The following WWOX variants were observed in gnomAD, a reference collection of about 807,000 sequenced individuals.
The protein encoded by WWOX is WW domain containing oxidoreductase.
Under a neutral mutation model 46.2 loss-of-function variants are expected in WWOX, and 69 were observed. The ratio of observed to expected loss-of-function variants is 1.49; its 90% confidence interval spans 1.23 to 1.82. The LOEUF is 1.82. WWOX is among the 40% of genes most tolerant of loss of function. The pLI is 0.00. For missense variants in WWOX, 919 were observed against 542.6 expected, an observed-to-expected ratio of 1.69 and a Z score of -6.89; for synonymous variants, 359 against 202.6, an observed-to-expected ratio of 1.77 and a Z score of -6.56.
chr16:78,818,325 A>T (rs538847340), intron 8 of WWOX, among the ~76,000 whole-genome samples: 2 of 152,044 alleles, frequency 1.3e-5, no homozygotes, highest in African/African-American at 4.8e-5. Context: ...CCACACCATC[A>T]CCCTCTCCAG....
chr16:78,925,994 G>A (rs180895338), intron 8 of WWOX, among the ~76,000 whole-genome samples: 86 of 152,324 alleles, frequency 5.6e-4, no homozygotes, highest in African/African-American at 2.0e-3. Flanking sequence ...GAAGGGATGT[G>A]GGGAGAGCTA....
chr16:78,969,859 G>A (rs757577016), intron 8 of WWOX, among the ~76,000 whole-genome samples: 2 of 152,144 alleles, frequency 1.3e-5, no homozygotes, highest in Non-Finnish European at 2.9e-5. Flanking sequence ...GTGGATGGAG[G>A]CATTTGGGAT....
At chr16:78,190,365 G>A (rs2035846890) in intron 5 of WWOX, among the ~76,000 whole-genome samples, 1 of 152,126 alleles carries the variant, frequency 6.6e-6, no homozygotes, top group Non-Finnish European at 1.5e-5. Flanking sequence ...CCTTGACCCC[G>A]ACCTTGAAAT....
intron 8 of WWOX, among the ~76,000 whole-genome samples, chr16:78,472,891 A>T (rs371105033): frequency 4.0e-5 from 6 of 151,160 alleles, no homozygotes; most frequent in African/African-American, 1.5e-4. Context: ...TCAAGATGGG[A>T]TTACTGCGCC....
chr16:79,014,819 G>C (rs1191271481), intron 8 of WWOX, among the ~76,000 whole-genome samples: 1 of 152,084 alleles, frequency 6.6e-6, no homozygotes, highest in Non-Finnish European at 1.5e-5. Context: ...TCCTACTTTT[G>C]TTCAACTTAT....
At chr16:78,621,875 G>A (rs1392025731) in intron 8 of WWOX, among the ~76,000 whole-genome samples, 3 of 151,882 alleles carry the variant, frequency 2.0e-5, no homozygotes. Flanking sequence ...AAAGTGCTGG[G>A]ATTACAGGCG....
chr16:79,079,514 C>A (rs762644624), intron 8 of WWOX, among the ~76,000 whole-genome samples: 1 of 152,172 alleles, frequency 6.6e-6, no homozygotes, highest in African/African-American at 2.4e-5. Flanking sequence ...CTGTTACATT[C>A]TTGAACCATA....
intron 8 of WWOX, among the ~76,000 whole-genome samples, chr16:78,567,908 G>C (rs1238603433): frequency 6.6e-6 from 1 of 152,118 alleles, no homozygotes; most frequent in Non-Finnish European, 1.5e-5. Context: ...GCACCCTGCT[G>C]CCCTTGTTTT....
At chr16:78,414,036 ATTTG>A (rs994339733) in intron 6 of WWOX, among the ~76,000 whole-genome samples, 7 of 151,792 alleles carry the variant, frequency 4.6e-5, no homozygotes, top group African/African-American at 1.7e-4. Context: ...CATCAGTGTG[ATTTG>A]TTCCTGCCCC....
At chr16:78,230,377 C>T (rs2037217851) in intron 5 of WWOX, among the ~76,000 whole-genome samples, 1 of 152,292 alleles carries the variant, frequency 6.6e-6, no homozygotes, top group Admixed American at 6.5e-5. Context: ...GGACAGGTAA[C>T]ATGATGTACA....
chr16:78,606,866 A>G (rs1292476335), intron 8 of WWOX, among the ~76,000 whole-genome samples: 1 of 152,026 alleles, frequency 6.6e-6, no homozygotes, highest in Non-Finnish European at 1.5e-5. Flanking sequence ...GTACCTGAAC[A>G]CTTGAGTGGG....
At chr16:79,037,996 C>A (rs192520216) in intron 8 of WWOX, among the ~76,000 whole-genome samples, 41 of 152,252 alleles carry the variant, frequency 2.7e-4, no homozygotes, top group African/African-American at 9.6e-4. Context: ...CTCGTTAACA[C>A]ATGATGGCAA....
chr16:79,075,029 C>T (rs919197846), intron 8 of WWOX, among the ~76,000 whole-genome samples: 1 of 152,162 alleles, frequency 6.6e-6, no homozygotes, highest in Non-Finnish European at 1.5e-5. Context: ...CCAAAGACCC[C>T]AGAGAAACTC....
intron 8 of WWOX, among the ~76,000 whole-genome samples, chr16:79,167,788 A>G (rs1011500721): frequency 4.6e-5 from 7 of 152,234 alleles, no homozygotes; most frequent in Non-Finnish European, 8.8e-5. Flanking sequence ...TTTAAAGTGT[A>G]CACTTCAGTG....
intron 8 of WWOX, among the ~76,000 whole-genome samples, chr16:78,575,811 AC>A (rs1453574694): frequency 6.6e-6 from 1 of 152,188 alleles, no homozygotes; most frequent in Non-Finnish European, 1.5e-5. Context: ...GCCTGTCTAT[AC>A]TTTCAGATGG....
At chr16:78,806,363 C>G (rs776581323) in intron 8 of WWOX, among the ~76,000 whole-genome samples, 2 of 152,094 alleles carry the variant, frequency 1.3e-5, no homozygotes, top group African/African-American at 2.4e-5. Flanking sequence ...ACAAACCACC[C>G]CCAAATTTAG....
chr16:78,977,055 C>G (rs192159004), intron 8 of WWOX, among the ~76,000 whole-genome samples: 2 of 152,314 alleles, frequency 1.3e-5, no homozygotes, highest in East Asian at 3.9e-4. Context: ...AACTGAGGCT[C>G]ACGCACACGT....
chr16:78,702,120 A>ATATTTATT (rs1555519622), intron 8 of WWOX, among the ~76,000 whole-genome samples: 2 of 130,040 alleles, frequency 1.5e-5, no homozygotes, highest in African/African-American at 6.6e-5. Context: ...ATATATATAT[A>ATATTTATT]TATTTATTTA....
intron 8 of WWOX, among the ~76,000 whole-genome samples, chr16:79,200,301 C>T (rs1031849379): frequency 1.3e-5 from 2 of 152,280 alleles, no homozygotes; most frequent in Admixed American, 6.5e-5. Context: ...ATGGCCCAGG[C>T]AGGAAATAAG....
Sources: gnomAD v4.1 joint callset for allele counts (sites outside exome capture counted in the v4.1 genomes callset) on GRCh38, gnomAD v4.1.1 for gene constraint, MANE v1.5 for transcripts, NCBI Gene and HGNC (gene_info 2026-07-23, HGNC 2026-07-21) for gene names.